CRY1: variants seen among roughly 807,000 people sequenced by gnomAD.
CRY1 encodes cryptochrome circadian regulator 1.
In CRY1, 45 loss-of-function variants were observed where a neutral mutation model predicts 76.0. The ratio of observed to expected loss-of-function variants is 0.59; its 90% CI spans 0.47 to 0.76. The LOEUF (loss-of-function observed/expected upper bound fraction) is 0.76, where lower values mean the gene tolerates loss of function less well. Among genes scored for constraint, CRY1 ranks in the 30% least tolerant of loss-of-function variants. The pLI, the probability that CRY1 is intolerant of heterozygous loss-of-function variation, is 0.00. For missense variants in CRY1, 587 were observed against 716.4 expected, an observed-to-expected ratio of 0.82 and a Z score of 2.06; for synonymous variants, 248 against 244.0, an observed-to-expected ratio of 1.02 and a Z score of -0.15.
intron 1 of CRY1, among the ~76,000 whole-genome samples, chr12:107,062,277 G>C (rs1953057771): frequency 6.6e-6 from 1 of 151,906 alleles, no homozygotes; most frequent in Admixed American, 6.6e-5. Context: ...CTTGACTCAA[G>C]ATATTTTCAG....
At chr12:107,087,465 G>A (rs566929721) in intron 1 of CRY1, among the ~76,000 whole-genome samples, 36 of 152,282 alleles carry the variant, frequency 2.4e-4, no homozygotes, top group Non-Finnish European at 4.1e-4. Context: ...TATGGGACAA[G>A]AGTCAAGCGA....
intron 3 of CRY1, among the ~76,000 whole-genome samples, chr12:107,002,543 A>C (rs1952323866): frequency 6.6e-6 from 1 of 152,222 alleles, no homozygotes; most frequent in South Asian, 2.1e-4. Flanking sequence ...AGCAGCTAAA[A>C]TCTACTTATT....
chr12:106,992,482 T>C (rs1175035894), intron 12 of CRY1: 2 of 227,384 alleles, frequency 8.8e-6, no homozygotes, highest in African/African-American at 4.5e-5. Flanking sequence ...TTTAGACTCA[T>C]AGTTACATAG....
chr12:107,073,654 G>A (rs968056198), intron 1 of CRY1, among the ~76,000 whole-genome samples: 3 of 151,990 alleles, frequency 2.0e-5, no homozygotes, highest in African/African-American at 2.4e-5. Context: ...GCATGAACCC[G>A]GGAGACAGAG....
At chr12:107,089,352 A>C (rs552560479) in intron 1 of CRY1, among the ~76,000 whole-genome samples, 121 of 128,358 alleles carry the variant, frequency 9.4e-4, no homozygotes, top group Middle Eastern at 7.1e-3. Flanking sequence ...TTTGTTTTTT[A>C]AGAGATAGGG....
chr12:107,051,089 G>T (rs1418076692), intron 1 of CRY1, among the ~76,000 whole-genome samples: 3 of 152,104 alleles, frequency 2.0e-5, no homozygotes, highest in East Asian at 1.9e-4. Flanking sequence ...AAACAAGAGG[G>T]TTATGAACCT....
chr12:106,998,335 T>C (rs762314489), intron 7 of CRY1, among the ~76,000 whole-genome samples: 1 of 152,158 alleles, frequency 6.6e-6, no homozygotes, highest in Non-Finnish European at 1.5e-5. Flanking sequence ...AAAAAAAATA[T>C]TCAAATCACT....
At chr12:107,088,787 G>T (rs1190014536) in intron 1 of CRY1, among the ~76,000 whole-genome samples, 1 of 152,188 alleles carries the variant, frequency 6.6e-6, no homozygotes, top group East Asian at 1.9e-4. Context: ...CAAGAGTTCA[G>T]AATACTGCTA....
At chr12:107,050,405 C>A (rs527934060) in intron 1 of CRY1, 2 of 152,354 alleles carry the variant, frequency 1.3e-5, no homozygotes, top group East Asian at 1.9e-4. Flanking sequence ...GGGGCAGATA[C>A]CTCATCAATG....
In CRY1 at chr12:107,022,100, A is replaced by G; in HGVS notation, c.251T>C (p.Phe84Ser). ...FVIRGQPADV[F>S]PRLFKEWNIT... is the part of the protein sequence containing the mutation. ...TCAAATTACCTTGAAAAGCCTGGGA[A>G]ACACATCTGCTGGTTGTCCACGAAT... The change falls in exon 2 of 13, where the codon TTT becomes TCT. Residue 84 changes from phenylalanine (F) to serine (S), a missense_variant. By Grantham distance (155) the Phe-to-Ser change is radical (BLOSUM62 -2). Transcript: ENST00000008527. The G allele has an allele frequency of 6.2e-7, 1 of 1,602,204 alleles. No individual in the cohort carries two copies. Among genetic ancestry groups the G allele is most frequent in the Non-Finnish European group, 8.5e-7 (1 of 1,174,084 alleles).
Position 107,001,336 on chromosome 12 carries a change from A to G in CRY1, c.628T>C (p.Trp210Arg). The change falls in exon 5 of 13, where the codon TGG becomes CGG. Residue 210 changes from tryptophan to arginine, a missense_variant. Coordinates refer to ENST00000008527, the MANE Select transcript of CRY1 (RefSeq NM_004075.5). ...AGTGCTTCAGTTTCTCCACCTGGCC[A>G]CACTGCAGAGGATAAGCCATCTGTA... Reference protein sequence around the residue: ...FDTDGLSSAVWPGGETEALTR... With the variant: ...FDTDGLSSAVRPGGETEALTR... 6.2e-7 allele frequency: 1 copy of G among 1,613,796 alleles called. No individual in the cohort carries two copies. The highest frequency in any genetic ancestry group is 8.5e-7 in the Non-Finnish European group (1 of 1,179,818).
At chr12:107,011,647 G>A (rs1196944050) in intron 2 of CRY1, among the ~76,000 whole-genome samples, 1 of 152,208 alleles carries the variant, frequency 6.6e-6, no homozygotes, top group Non-Finnish European at 1.5e-5. Flanking sequence ...TGAGAGAGGT[G>A]AGGAAGCTGC....
chr12:107,067,281 T>G (rs552558435), intron 1 of CRY1, among the ~76,000 whole-genome samples: 12 of 152,312 alleles, frequency 7.9e-5, no homozygotes, highest in Non-Finnish European at 1.8e-4. Context: ...TGTCTAACTC[T>G]TCAAGAAAGT....
At chr12:107,089,153 C>A (rs772270754) in intron 1 of CRY1, among the ~76,000 whole-genome samples, 18 of 152,094 alleles carry the variant, frequency 1.2e-4, no homozygotes, top group Non-Finnish European at 2.4e-4. Context: ...CAACTGATGG[C>A]CATTTGGGTT....
Position 107,092,824 on chromosome 12 carries a change from A to G in CRY1, c.138T>C (p.Asn46=), listed in dbSNP as rs1426732314. The G allele has an allele frequency of 6.2e-7, 1 of 1,611,710 alleles. No homozygotes were observed. The highest frequency in any genetic ancestry group is 2.2e-5 in the East Asian group (1 of 44,862). Residue 46 remains asparagine (N), a synonymous_variant, in exon 1 of 13, where the codon AAT becomes AAC. Coordinates refer to ENST00000008527, the MANE Select transcript of CRY1 (RefSeq NM_004075.5). ...CTCACCGCCACCTGTTGATGCCCACATTGGAGGAGCCGGCGAACCAGGGGT... is the reference window on the plus strand; with the variant it reads ...CTCACCGCCACCTGTTGATGCCCACGTTGGAGGAGCCGGCGAACCAGGGGT... ...ILDPWFAGSS[N]VGINRWRFLL...
At chr12:107,056,236 G>A (rs1356973661) in intron 1 of CRY1, among the ~76,000 whole-genome samples, 3 of 152,198 alleles carry the variant, frequency 2.0e-5, no homozygotes, top group East Asian at 1.9e-4. Flanking sequence ...TAGGGAAGAC[G>A]TGAACCAGAA....
chr12:107,040,525 C>T (rs1335412402), intron 1 of CRY1, among the ~76,000 whole-genome samples: 1 of 152,034 alleles, frequency 6.6e-6, no homozygotes, highest in Non-Finnish European at 1.5e-5. Flanking sequence ...ACCTCATGAT[C>T]CACCCACATC....
chr12:107,008,776 T>TG (rs1566245099), intron 2 of CRY1, among the ~76,000 whole-genome samples: 2 of 152,152 alleles, frequency 1.3e-5, no homozygotes, highest in Non-Finnish European at 2.9e-5. Flanking sequence ...AACTGAATCA[T>TG]GGGGGTGGGT....
At chr12:107,001,715 T>G (rs768692563) in intron 4 of CRY1, 49 bp downstream of exon 4, 15 of 1,428,228 alleles carry the variant, frequency 1.1e-5, no homozygotes, top group Non-Finnish European at 1.4e-5. Context: ...CTGAGTAATT[T>G]ATGATTTATT....
Sources: allele counts gnomAD v4.1 joint callset (sites outside exome capture counted in the v4.1 genomes callset), GRCh38; gene constraint gnomAD v4.1.1; transcripts MANE v1.5; gene names NCBI Gene and HGNC (gene_info 2026-07-23, HGNC 2026-07-21).